Variants in LIMCH1 observed in about 807,000 individuals in gnomAD.
The protein encoded by LIMCH1 is LIM and calponin homology domains 1.
In LIMCH1, 113 loss-of-function variants were observed where a neutral mutation model predicts 176.5. The observed-to-expected ratio is 0.64, with a 90% CI of 0.55 to 0.75. The LOEUF is 0.75. Among genes scored for constraint, LIMCH1 ranks in the 30% least tolerant of loss-of-function variants. The probability of loss-of-function intolerance (pLI) is 0.00; values close to 1 mark genes in which losing one functional copy is unlikely to be tolerated. For missense variants in LIMCH1, 1,674 were observed against 1,814.9 expected (o/e 0.92, Z 1.41); for synonymous variants, 619 against 645.9 (o/e 0.96, Z 0.63).
At chr4:41,592,293 A>G (rs1023163783) in intron 1 of LIMCH1, among the ~76,000 whole-genome samples, 1 of 152,302 alleles carries the variant, frequency 6.6e-6, no homozygotes, top group Admixed American at 6.5e-5. Context: ...TGAACTTAGA[A>G]CCACCATGCA....
chr4:41,513,679 A>G (rs1214715676), intron 2 of LIMCH1, among the ~76,000 whole-genome samples: 1 of 152,072 alleles, frequency 6.6e-6, no homozygotes, highest in East Asian at 1.9e-4. Context: ...CTTGAATCCA[A>G]CTTTAGTCTT....
intron 1 of LIMCH1, among the ~76,000 whole-genome samples, chr4:41,578,301 G>T (rs1231696054): frequency 6.6e-6 from 1 of 152,150 alleles, no homozygotes; most frequent in Non-Finnish European, 1.5e-5. Flanking sequence ...GATCTCGTGA[G>T]AACTCTCTCA....
intron 2 of LIMCH1, among the ~76,000 whole-genome samples, chr4:41,496,587 A>G (rs1409452599): frequency 6.6e-6 from 1 of 152,186 alleles, no homozygotes; most frequent in East Asian, 1.9e-4. Flanking sequence ...CAGGAGCTGC[A>G]TGCAATGGTG....
intron 1 of LIMCH1, among the ~76,000 whole-genome samples, chr4:41,361,225 A>G (rs991259988): frequency 6.6e-6 from 1 of 152,188 alleles, no homozygotes; most frequent in Non-Finnish European, 1.5e-5. Flanking sequence ...TGGCCTCGCA[A>G]ATCTCAGCTA....
intron 1 of LIMCH1, among the ~76,000 whole-genome samples, chr4:41,386,831 G>T (rs566061499): frequency 2.6e-5 from 4 of 152,222 alleles, no homozygotes; most frequent in Non-Finnish European, 5.9e-5. Flanking sequence ...TGAGGTTTCT[G>T]ATGTGCATGA....
At chr4:41,435,252 G>A (rs1424044421) in intron 1 of LIMCH1, among the ~76,000 whole-genome samples, 6 of 152,130 alleles carry the variant, frequency 3.9e-5, no homozygotes, top group African/African-American at 1.2e-4. Context: ...AACAGAAAAC[G>A]GAGAGATGAT....
chr4:41,534,713 A>G (rs1487694891), upstream of LIMCH1, among the ~76,000 whole-genome samples: 1 of 151,718 alleles, frequency 6.6e-6, no homozygotes, highest in Non-Finnish European at 1.5e-5. Flanking sequence ...TTTTTTTTCT[A>G]TAACCACTAT....
chr4:41,582,005 C>T (rs2085571419), intron 1 of LIMCH1, among the ~76,000 whole-genome samples: 1 of 152,182 alleles, frequency 6.6e-6, no homozygotes. Flanking sequence ...TTTATCCGTT[C>T]ATCCATTGAA....
intron 3 of LIMCH1, 56 bp downstream of exon 3, chr4:41,603,961 C>T (rs1430548770): frequency 1.9e-5 from 28 of 1,469,390 alleles, no homozygotes; most frequent in Non-Finnish European, 1.9e-6. Flanking sequence ...TAAAATTTAG[C>T]TAATTCAGTG....
At chr4:41,648,018 TGAGAAGATGAGCTACTAA>T (rs2094135513) in intron 17 of LIMCH1, among the ~76,000 whole-genome samples, 5 of 152,198 alleles carry the variant, frequency 3.3e-5, no homozygotes, top group Admixed American at 3.3e-4. Context: ...GAATTTTTCC[TGAGAAGATGAGCTACTAA>T]TCATATGGAC....
At chr4:41,407,526 G>A (rs1280856858) in intron 1 of LIMCH1, among the ~76,000 whole-genome samples, 1 of 152,206 alleles carries the variant, frequency 6.6e-6, no homozygotes, top group African/African-American at 2.4e-5. Context: ...CACTGCACCT[G>A]GCCCCCCATC....
intron 1 of LIMCH1, among the ~76,000 whole-genome samples, chr4:41,460,459 T>C (rs988638426): frequency 3.9e-5 from 4 of 102,726 alleles, no homozygotes; most frequent in African/African-American, 1.5e-4. Flanking sequence ...AGTAATCATC[T>C]ATATATATAT....
At chr4:41,649,814 C>CT (rs2094214568) in intron 17 of LIMCH1, among the ~76,000 whole-genome samples, 2 of 152,126 alleles carry the variant, frequency 1.3e-5, no homozygotes, top group Admixed American at 1.3e-4. Context: ...TGTGCATGGT[C>CT]TTTTTTTCTT....
At chr4:41,427,804 A>T (rs1467862052) in intron 1 of LIMCH1, among the ~76,000 whole-genome samples, 1 of 152,194 alleles carries the variant, frequency 6.6e-6, no homozygotes, top group Non-Finnish European at 1.5e-5. Context: ...CAAACACATG[A>T]GTTCCCTAGT....
At chr4:41,590,495 T>A (rs1013615264) in intron 1 of LIMCH1, among the ~76,000 whole-genome samples, 1 of 152,070 alleles carries the variant, frequency 6.6e-6, no homozygotes, top group African/African-American at 2.4e-5. Context: ...GGACTCCTGT[T>A]CTCATGAGCT....
In LIMCH1 at chr4:41,426,657, C is replaced by T. The variant is rs180751516; in HGVS notation, c.96+65721C>T. Among the ~76,000 whole-genome samples, 324 of 152,314 alleles carry T rather than the reference C, an allele frequency of 2.1e-3. 1 individual carries two copies. Among genetic ancestry groups the T allele is most frequent in the African/African-American group, 7.0e-3 (291 of 41,566 alleles). ...TGCTGTTGTTTCCACACAGCATTGT[C>T]ATTTCCTACCAGGGACTCTCCCTTT... On this transcript the variant is annotated intron_variant, in intron 1 of 26. Transcript: ENST00000313860.
intron 1 of LIMCH1, among the ~76,000 whole-genome samples, chr4:41,405,685 T>A (rs2058886914): frequency 6.6e-6 from 1 of 152,156 alleles, no homozygotes; most frequent in African/African-American, 2.4e-5. Flanking sequence ...TTGTTAAATA[T>A]TAAGGTGATA....
intron 1 of LIMCH1, among the ~76,000 whole-genome samples, chr4:41,455,035 T>G (rs1441099737): frequency 1.3e-5 from 2 of 151,546 alleles, no homozygotes; most frequent in African/African-American, 4.9e-5. Flanking sequence ...TTGGGGTTAT[T>G]GACATGAATA....
chr4:41,480,005 C>T (rs1205039007), intron 1 of LIMCH1, among the ~76,000 whole-genome samples: 1 of 151,930 alleles, frequency 6.6e-6, no homozygotes, highest in Non-Finnish European at 1.5e-5. Flanking sequence ...TTTAGACACT[C>T]CAGTTATGGA....
Sources: allele counts gnomAD v4.1 joint callset (sites outside exome capture counted in the v4.1 genomes callset), GRCh38; gene constraint gnomAD v4.1.1; transcripts MANE v1.5; gene names NCBI Gene and HGNC (gene_info 2026-07-23, HGNC 2026-07-21).